Variants in DLGAP2 observed in about 807,000 individuals in gnomAD.
DLGAP2 encodes disks large-associated protein 2.
In DLGAP2, 26 loss-of-function variants were observed where a neutral mutation model predicts 100.3. That is an observed-to-expected ratio of 0.26 (90% confidence interval 0.19 to 0.36). The LOEUF (loss-of-function observed/expected upper bound fraction) is 0.36, where lower values mean the gene tolerates loss of function less well. Ranked by LOEUF, DLGAP2 falls within the 10% of genes least tolerant of loss-of-function variation. The pLI, the probability that DLGAP2 is intolerant of heterozygous loss-of-function variation, is 1.00. For synonymous variants in DLGAP2, 886 were observed against 630.1 expected, an observed-to-expected ratio of 1.41 and a Z score of -6.08; for missense variants, 1,858 against 1,453.2, an observed-to-expected ratio of 1.28 and a Z score of -4.53.
intron 4 of DLGAP2, among the ~76,000 whole-genome samples, chr8:1,544,105 G>A (rs1041201465): frequency 3.9e-5 from 6 of 151,996 alleles, no homozygotes; most frequent in African/African-American, 1.2e-4. Context: ...GGTTTGCCAT[G>A]TTGTCCAGGC....
intron 2 of DLGAP2, among the ~76,000 whole-genome samples, chr8:1,040,693 C>T (rs899829591): frequency 1.9e-4 from 29 of 151,532 alleles, no homozygotes; most frequent in Non-Finnish European, 1.6e-4. Context: ...TTTCCGTGGT[C>T]GGCTCGGTGT....
intron 6 of DLGAP2, among the ~76,000 whole-genome samples, chr8:1,567,818 C>T (rs1162311062): frequency 6.6e-6 from 1 of 152,234 alleles, no homozygotes; most frequent in African/African-American, 2.4e-5. Flanking sequence ...GACAGCATCA[C>T]CTAAACACTG....
At chr8:942,107 C>T (rs1799211043) in intron 2 of DLGAP2, among the ~76,000 whole-genome samples, 1 of 152,156 alleles carries the variant, frequency 6.6e-6, no homozygotes, top group African/African-American at 2.4e-5. Flanking sequence ...CAGGTGCATG[C>T]CACTATGTCC....
intron 6 of DLGAP2, among the ~76,000 whole-genome samples, chr8:1,615,118 G>C (rs1797108611): frequency 6.6e-6 from 1 of 152,208 alleles, no homozygotes; most frequent in Non-Finnish European, 1.5e-5. Context: ...AGAAGGGATG[G>C]AGCCATGGAG....
At chr8:1,353,306 G>A (rs750943327) in intron 3 of DLGAP2, among the ~76,000 whole-genome samples, 14 of 152,180 alleles carry the variant, frequency 9.2e-5, no homozygotes, top group East Asian at 1.9e-4. Context: ...ACAGCAGTGC[G>A]ATAAGATTGT....
intron 2 of DLGAP2, among the ~76,000 whole-genome samples, chr8:1,133,458 A>C (rs1337634106): frequency 2.6e-5 from 4 of 152,164 alleles, no homozygotes; most frequent in African/African-American, 9.6e-5. Context: ...TGCTTTTAGA[A>C]GGGACTTAGA....
chr8:1,146,305 TC>T (rs1796604697), intron 2 of DLGAP2, among the ~76,000 whole-genome samples: 1 of 152,100 alleles, frequency 6.6e-6, no homozygotes, highest in South Asian at 2.1e-4. Context: ...CTGAATGGAG[TC>T]CCGTGCTCAT....
intron 3 of DLGAP2, among the ~76,000 whole-genome samples, chr8:1,280,745 G>A (rs191647753): frequency 1.3e-3 from 192 of 152,340 alleles, no homozygotes; most frequent in African/African-American, 4.5e-3. Flanking sequence ...AGGATAAGAG[G>A]CTGGAAGGGC....
At chr8:839,634 C>G (rs1796944425) in intron 1 of DLGAP2, among the ~76,000 whole-genome samples, 1 of 152,166 alleles carries the variant, frequency 6.6e-6, no homozygotes, top group Non-Finnish European at 1.5e-5. Flanking sequence ...GAATCACCAC[C>G]TCGGTGAAAA....
intron 2 of DLGAP2, among the ~76,000 whole-genome samples, chr8:1,090,827 C>T (rs148573447): frequency 1.2e-3 from 181 of 152,292 alleles, no homozygotes; most frequent in African/African-American, 4.1e-3. Context: ...ATCGAGGACT[C>T]TTATTGATGG....
chr8:1,281,384 T>C (rs1799810542), intron 3 of DLGAP2, among the ~76,000 whole-genome samples: 1 of 152,112 alleles, frequency 6.6e-6, no homozygotes, highest in Admixed American at 6.5e-5. Context: ...TTGATTTGAT[T>C]CCTAGTCCCT....
chr8:1,220,534 A>T (rs982512701), intron 2 of DLGAP2, among the ~76,000 whole-genome samples: 2 of 152,152 alleles, frequency 1.3e-5, no homozygotes, highest in Admixed American at 1.3e-4. Context: ...GATGTTATCA[A>T]TCTTGGAATA....
intron 5 of DLGAP2, among the ~76,000 whole-genome samples, chr8:1,556,139 T>C (rs1340729605): frequency 6.6e-6 from 1 of 152,224 alleles, no homozygotes; most frequent in East Asian, 1.9e-4. Context: ...TCTAAGACCC[T>C]GAGGAACCAT....
chr8:1,051,200 C>T (rs182052828), intron 2 of DLGAP2, among the ~76,000 whole-genome samples: 15 of 152,230 alleles, frequency 9.9e-5, no homozygotes, highest in Admixed American at 8.5e-4. Flanking sequence ...CCTCGAAGCA[C>T]AACTGCATGA....
chr8:973,609 C>T (rs577324962), intron 2 of DLGAP2, among the ~76,000 whole-genome samples: 31 of 152,320 alleles, frequency 2.0e-4, no homozygotes, highest in African/African-American at 6.3e-4. Context: ...CCAAGGCAGG[C>T]GGCTGGGAGG....
intron 3 of DLGAP2, among the ~76,000 whole-genome samples, chr8:1,482,627 C>T (rs1799127570): frequency 1.3e-5 from 2 of 152,254 alleles, no homozygotes; most frequent in African/African-American, 4.8e-5. Context: ...GCTCGGCTGG[C>T]TTCTCCCGCC....
In DLGAP2 at chr8:1,242,599, C is replaced by T. The variant is rs77774347; in HGVS notation, c.74-16252C>T. 3.7e-3 allele frequency among the ~76,000 whole-genome samples: 563 copies of T among 152,338 alleles called. 4 individuals are homozygous for T. The highest frequency in any genetic ancestry group is 0.013 in the African/African-American group (547 of 41,576). ...GGCCCACCCTCGCCTGAGCCCTCTGCGCCACTCCTCTGTGGCACTTGTTGC... is the reference window on the plus strand; with the variant it reads ...GGCCCACCCTCGCCTGAGCCCTCTGTGCCACTCCTCTGTGGCACTTGTTGC... On this transcript the variant is annotated intron_variant, in intron 2 of 14. Transcript: ENST00000637795.
At chr8:940,593 A>ACAGCTGGGGAGGG (rs1799173212) in intron 2 of DLGAP2, among the ~76,000 whole-genome samples, 1 of 152,114 alleles carries the variant, frequency 6.6e-6, no homozygotes, top group East Asian at 1.9e-4. Context: ...GGCTCTGGCA[A>ACAGCTGGGGAGGG]CAGCTGGGGA....
At chr8:1,007,644 G>T (rs1472989644) in intron 2 of DLGAP2, among the ~76,000 whole-genome samples, 3 of 146,164 alleles carry the variant, frequency 2.1e-5, no homozygotes, top group Admixed American at 6.8e-5. Flanking sequence ...TTGGGGGGGG[G>T]ATCTTCTGTG....
Sources: allele counts gnomAD v4.1 joint callset (sites outside exome capture counted in the v4.1 genomes callset), GRCh38; gene constraint gnomAD v4.1.1; transcripts MANE v1.5; gene names NCBI Gene and HGNC (gene_info 2026-07-23, HGNC 2026-07-21).